Variants in SEMA6D observed in about 807,000 individuals in gnomAD.
SEMA6D encodes semaphorin 6D.
Under a neutral mutation model 106.6 loss-of-function variants are expected in SEMA6D, and 35 were observed. The ratio of observed to expected loss-of-function variants is 0.33; its 90% CI spans 0.25 to 0.44. The LOEUF (loss-of-function observed/expected upper bound fraction) is 0.44, where lower values mean the gene tolerates loss of function less well. Among genes scored for constraint, SEMA6D ranks in the 20% least tolerant of loss-of-function variants. The probability of loss-of-function intolerance (pLI) is 1.00; values close to 1 mark genes in which losing one functional copy is unlikely to be tolerated. For synonymous variants in SEMA6D, 499 were observed against 487.7 expected, an observed-to-expected ratio of 1.02 and a Z score of -0.31; for missense variants, 1,185 against 1,345.9, an observed-to-expected ratio of 0.88 and a Z score of 1.87.
At chr15:47,521,134 G>C (rs1018743938) in intron 3 of SEMA6D, among the ~76,000 whole-genome samples, 1 of 152,184 alleles carries the variant, frequency 6.6e-6, no homozygotes, top group African/African-American at 2.4e-5. Flanking sequence ...TTGAGGAGAC[G>C]TGGGTCAACA....
At chr15:47,323,337 C>A (rs2036998765) in intron 1 of SEMA6D, among the ~76,000 whole-genome samples, 1 of 152,134 alleles carries the variant, frequency 6.6e-6, no homozygotes, top group Admixed American at 6.5e-5. Context: ...GGTACGTGAA[C>A]ACCGGAGAAT....
intron 3 of SEMA6D, among the ~76,000 whole-genome samples, chr15:47,553,827 C>T (rs1310698405): frequency 6.6e-6 from 1 of 152,036 alleles, no homozygotes; most frequent in Non-Finnish European, 1.5e-5. Flanking sequence ...AAGTGGGTCC[C>T]ATTTAAAGAT....
At chr15:47,535,078 AAAAAACAC>A (rs2045111716) in intron 3 of SEMA6D, among the ~76,000 whole-genome samples, 2 of 151,796 alleles carry the variant, frequency 1.3e-5, no homozygotes, top group South Asian at 4.2e-4. Context: ...ACAAAAAAAA[AAAAAACAC>A]AAAAACACAC....
intron 1 of SEMA6D, among the ~76,000 whole-genome samples, chr15:47,336,673 A>T (rs999575546): frequency 6.6e-6 from 1 of 152,176 alleles, no homozygotes; most frequent in Non-Finnish European, 1.5e-5. Flanking sequence ...GAAATGGTTT[A>T]TACAGGAGTG....
At chr15:47,312,656 G>T (rs2036496253) in intron 1 of SEMA6D, among the ~76,000 whole-genome samples, 1 of 152,030 alleles carries the variant, frequency 6.6e-6, no homozygotes, top group African/African-American at 2.4e-5. Context: ...GTCATTACGT[G>T]TGCAATTTTA....
In SEMA6D at chr15:47,387,142, A is replaced by G. The variant is rs556864427; in HGVS notation, c.-238-25251A>G. On this transcript the variant is annotated intron_variant, in intron 1 of 19. Coordinates refer to the SEMA6D transcript ENST00000558014. ...AGGTAAGTTGCCTTCTAGGACACCA[A>G]AAATCCTTTGTGAAGAGTAACCCAG... 3.4e-4 allele frequency among the ~76,000 whole-genome samples: 52 copies of G among 152,342 alleles called. 1 individual carries two copies. The highest frequency in any genetic ancestry group is 1.2e-3 in the African/African-American group (51 of 41,584).
intron 1 of SEMA6D, among the ~76,000 whole-genome samples, chr15:47,364,034 G>A (rs1024680939): frequency 1.3e-5 from 2 of 152,032 alleles, no homozygotes; most frequent in African/African-American, 2.4e-5. Flanking sequence ...TCCCTCCCTC[G>A]ACACATGAAG....
chr15:47,448,268 T>C (rs1308102896), intron 2 of SEMA6D, among the ~76,000 whole-genome samples: 1 of 152,086 alleles, frequency 6.6e-6, no homozygotes, highest in Non-Finnish European at 1.5e-5. Flanking sequence ...CATGCCTGTG[T>C]GACAATGAAA....
chr15:47,452,999 T>C (rs2042237920), intron 2 of SEMA6D, among the ~76,000 whole-genome samples: 1 of 151,994 alleles, frequency 6.6e-6, no homozygotes, highest in Admixed American at 6.6e-5. Flanking sequence ...TGCATTACCT[T>C]CTCATTTGTA....
chr15:47,443,129 G>C (rs1044154519), intron 2 of SEMA6D, among the ~76,000 whole-genome samples: 18 of 152,196 alleles, frequency 1.2e-4, no homozygotes, highest in African/African-American at 4.3e-4. Context: ...GGAATGTAAT[G>C]ATAGATATGT....
intron 1 of SEMA6D, among the ~76,000 whole-genome samples, chr15:47,260,481 C>G (rs187336601): frequency 4.4e-4 from 67 of 152,198 alleles, no homozygotes; most frequent in African/African-American, 1.4e-3. Context: ...CTGATCCATG[C>G]TAGTACTGCC....
intron 1 of SEMA6D, among the ~76,000 whole-genome samples, chr15:47,244,366 G>T (rs2033089067): frequency 6.6e-6 from 1 of 152,050 alleles, no homozygotes; most frequent in African/African-American, 2.4e-5. Context: ...TTTCTTCAGG[G>T]TTACTAAGGA....
chr15:47,328,573 A>T (rs1182932012), intron 1 of SEMA6D, among the ~76,000 whole-genome samples: 1 of 152,198 alleles, frequency 6.6e-6, no homozygotes, highest in South Asian at 2.1e-4. Context: ...ATTTCCTGGT[A>T]TTCTTTCAGG....
chr15:47,696,952 G>T (rs748852684), intron 4 of SEMA6D, among the ~76,000 whole-genome samples: 1 of 152,094 alleles, frequency 6.6e-6, no homozygotes, highest in Non-Finnish European at 1.5e-5. Flanking sequence ...TCATTCTTGC[G>T]GTTGTTGTCA....
intron 1 of SEMA6D, among the ~76,000 whole-genome samples, chr15:47,207,705 A>G (rs1435448226): frequency 1.3e-5 from 2 of 152,076 alleles, no homozygotes; most frequent in Non-Finnish European, 2.9e-5. Context: ...CACCTAGGCC[A>G]TATTTTTCAT....
intron 1 of SEMA6D, among the ~76,000 whole-genome samples, chr15:47,389,124 G>C (rs1341434855): frequency 8.5e-5 from 13 of 152,274 alleles, no homozygotes; most frequent in Non-Finnish European, 1.6e-4. Context: ...CTATAAAGCT[G>C]TTCATGTTCT....
chr15:47,741,185 G>T (rs1391786384), intron 1 of SEMA6D, among the ~76,000 whole-genome samples: 1 of 152,164 alleles, frequency 6.6e-6, no homozygotes, highest in Non-Finnish European at 1.5e-5. Flanking sequence ...CAGGGATTAA[G>T]ACTACAGACA....
intron 3 of SEMA6D, among the ~76,000 whole-genome samples, chr15:47,514,648 A>C (rs1449814866): frequency 2.6e-5 from 4 of 152,196 alleles, no homozygotes; most frequent in Non-Finnish European, 5.9e-5. Context: ...AACTGCTTCT[A>C]CTAATACTTT....
chr15:47,769,089 C>T (rs1216532877), intron 18 of SEMA6D, among the ~76,000 whole-genome samples: 2 of 152,302 alleles, frequency 1.3e-5, no homozygotes, highest in East Asian at 1.9e-4. Flanking sequence ...TCATTAATTG[C>T]AAATATCCTG....
Sources: gnomAD v4.1 joint callset for allele counts (sites outside exome capture counted in the v4.1 genomes callset) on GRCh38, gnomAD v4.1.1 for gene constraint, MANE v1.5 for transcripts, NCBI Gene and HGNC (gene_info 2026-07-23, HGNC 2026-07-21) for gene names.